The following CDK8 variants were observed in gnomAD, a reference collection of about 807,000 sequenced individuals.
The protein encoded by CDK8 is cyclin dependent kinase 8.
In CDK8, 29 loss-of-function variants were observed where a neutral mutation model predicts 71.5. That is an observed-to-expected ratio of 0.41 (90% confidence interval 0.30 to 0.55). CDK8 has a LOEUF of 0.55. Ranked by LOEUF, CDK8 falls within the 20% of genes least tolerant of loss-of-function variation. CDK8 has a pLI of 0.37. For synonymous variants in CDK8, 161 were observed against 192.1 expected (o/e 0.84, Z 1.34); for missense variants, 288 against 572.6 (o/e 0.50, Z 5.07).
At chr13:26,291,762 C>T (rs975120331) in intron 1 of CDK8, among the ~76,000 whole-genome samples, 2 of 152,188 alleles carry the variant, frequency 1.3e-5, no homozygotes, top group East Asian at 1.9e-4. Flanking sequence ...CCCATCCTCA[C>T]GTATATGCAA....
At chr13:26,329,181 A>C (rs1875171629) in intron 1 of CDK8, among the ~76,000 whole-genome samples, 1 of 152,190 alleles carries the variant, frequency 6.6e-6, no homozygotes, top group South Asian at 2.1e-4. Context: ...TTTAGGAAGC[A>C]GTGTAGTTTG....
At chr13:26,400,574 C>T in intron 10 of CDK8, 24 bp downstream of exon 10, 2 of 1,380,412 alleles carry the variant, frequency 1.4e-6, no homozygotes, top group South Asian at 1.2e-5. Flanking sequence ...TTGGTTAACT[C>T]ATCAGCATGA....
intron 1 of CDK8, among the ~76,000 whole-genome samples, chr13:26,281,801 C>T (rs906889837): frequency 1.7e-4 from 25 of 151,228 alleles, no homozygotes; most frequent in Admixed American, 5.3e-4. Flanking sequence ...AAGTAAATAT[C>T]GTAGAGATAA....
chr13:26,302,863 G>A (rs1873882321), intron 1 of CDK8, among the ~76,000 whole-genome samples: 2 of 152,048 alleles, frequency 1.3e-5, no homozygotes, highest in Admixed American at 1.3e-4. Flanking sequence ...AAGTTTATCA[G>A]ATTTATAGTT....
chr13:26,258,284 T>TA (rs1566459870), intron 1 of CDK8, among the ~76,000 whole-genome samples: 1 of 152,060 alleles, frequency 6.6e-6, no homozygotes, highest in African/African-American at 2.4e-5. Flanking sequence ...ATTGAATAAG[T>TA]AAAAAAATAG....
chr13:26,295,299 T>G (rs1461661086), intron 1 of CDK8, among the ~76,000 whole-genome samples: 8 of 151,588 alleles, frequency 5.3e-5, no homozygotes, highest in Admixed American at 5.3e-4. Flanking sequence ...TTTTTTCTCT[T>G]GGGCTTCCCT....
At chr13:26,332,285 A>G (rs1872789825) in intron 1 of CDK8, among the ~76,000 whole-genome samples, 1 of 151,896 alleles carries the variant, frequency 6.6e-6, no homozygotes, top group Non-Finnish European at 1.5e-5. Flanking sequence ...CAGGAGTTTG[A>G]GACCAGCCTG....
At chr13:26,306,842 T>G (rs1874066956) in intron 1 of CDK8, among the ~76,000 whole-genome samples, 1 of 152,144 alleles carries the variant, frequency 6.6e-6, no homozygotes, top group South Asian at 2.1e-4. Context: ...TTGGCCAGGC[T>G]GGTCTTGAAC....
chr13:26,276,332 A>G (rs1872562672), intron 1 of CDK8, among the ~76,000 whole-genome samples: 1 of 152,206 alleles, frequency 6.6e-6, no homozygotes, highest in Admixed American at 6.5e-5. Flanking sequence ...TACATGATTT[A>G]CAAGCTCTGT....
intron 3 of CDK8, among the ~76,000 whole-genome samples, chr13:26,350,171 A>G (rs1259069923): frequency 6.6e-6 from 1 of 152,222 alleles, no homozygotes; most frequent in Non-Finnish European, 1.5e-5. Flanking sequence ...TTCAGAATGT[A>G]TCCCTTCATT....
At chr13:26,281,539 C>T (rs1270401054) in intron 1 of CDK8, among the ~76,000 whole-genome samples, 1 of 103,806 alleles carries the variant, frequency 9.6e-6, no homozygotes. Context: ...GAGAAGGAAT[C>T]AGAAAAGTAA....
Position 26,382,848 on chromosome 13 carries a change from C to G in CDK8, c.491C>G (p.Pro164Arg), listed in dbSNP as rs754118250. The change falls in exon 5 of 13, where the codon CCT becomes CGT. Residue 164 changes from proline to arginine, a missense_variant. Physicochemically the swap from Pro to Arg is moderately radical, Grantham distance 103. Around this residue, in one of 6 missense-constraint regions of CDK8, gnomAD observed 95 missense variants for 177.3 expected, o/e 0.54. Coordinates refer to ENST00000381527, the MANE Select transcript of CDK8 (RefSeq NM_001260.3). ...PANILVMGEGPERGRVKIADM... is the reference protein window; with the variant it reads ...PANILVMGEGRERGRVKIADM... ...AATATTTTAGTTATGGGTGAAGGTC[C>G]TGAGCGAGGAAGAGTAAAAATTGGT... The G allele has an allele frequency of 6.2e-6, 10 of 1,601,008 alleles. No individual in the cohort carries two copies. Among genetic ancestry groups the G allele is most frequent in the African/African-American group, 4.0e-5 (3 of 74,196 alleles).
intron 4 of CDK8, among the ~76,000 whole-genome samples, chr13:26,362,469 G>T (rs2138013660): frequency 6.6e-6 from 1 of 152,270 alleles, no homozygotes; most frequent in South Asian, 2.1e-4. Context: ...AGAAGCTGGG[G>T]AGCTACTGTA....
intron 1 of CDK8, among the ~76,000 whole-genome samples, chr13:26,298,071 C>A (rs201337830): frequency 6.6e-6 from 1 of 152,086 alleles, no homozygotes; most frequent in East Asian, 1.9e-4. Context: ...TGGTACCAAT[C>A]TAATACTTCC....
intron 1 of CDK8, among the ~76,000 whole-genome samples, chr13:26,282,723 A>G (rs989968499): frequency 3.9e-5 from 6 of 152,226 alleles, no homozygotes; most frequent in African/African-American, 1.4e-4. Context: ...CTCAATACCA[A>G]CATTGAATGT....
chr13:26,328,912 C>T (rs1875156388), intron 1 of CDK8, among the ~76,000 whole-genome samples: 1 of 152,162 alleles, frequency 6.6e-6, no homozygotes, highest in African/African-American at 2.4e-5. Context: ...CTTTGTCTTC[C>T]ATTCAGCCAT....
intron 1 of CDK8, among the ~76,000 whole-genome samples, chr13:26,263,658 A>G (rs1474062847): frequency 1.4e-5 from 2 of 144,516 alleles, no homozygotes; most frequent in East Asian, 4.2e-4. Context: ...CAGGCTGGCC[A>G]CAAACTTCTG....
At chr13:26,287,774 A>G (rs990416079) in intron 1 of CDK8, among the ~76,000 whole-genome samples, 32 of 152,364 alleles carry the variant, frequency 2.1e-4, no homozygotes, top group African/African-American at 7.2e-4. Context: ...AATGATTGAA[A>G]GAAGTCAAAA....
In CDK8 at chr13:26,270,405, T is replaced by C. The variant is rs1169595940; in HGVS notation, c.128+15636T>C. ...ACTCTGTCTCAAAAAAAAAAAAAAA[T>C]ACACACACACACACATACACAGTTT... On this transcript the variant is annotated intron_variant, in intron 1 of 12. Transcript: ENST00000381527. Among the ~76,000 whole-genome samples, 39 of 143,886 alleles carry C rather than the reference T, an allele frequency of 2.7e-4. 1 individual carries two copies. In the East Asian group the frequency reaches 6.3e-3, roughly 23 times the overall value. The allele number at this position is 143,886 out of a possible 152,430, so 94.4% of individuals were successfully genotyped here.
Sources: allele counts gnomAD v4.1 joint callset (sites outside exome capture counted in the v4.1 genomes callset), GRCh38; gene constraint gnomAD v4.1.1; regional missense constraint gnomAD v4.1.1; transcripts MANE v1.5; gene names NCBI Gene and HGNC (gene_info 2026-07-23, HGNC 2026-07-21).